Variants in NISCH observed in about 807,000 individuals in gnomAD.
The protein encoded by NISCH is I-1 receptor candidate protein.
A neutral mutation model predicts 138.4 loss-of-function variants in NISCH; 55 were observed. The ratio of observed to expected loss-of-function variants is 0.40; its 90% confidence interval spans 0.32 to 0.50. The LOEUF (loss-of-function observed/expected upper bound fraction) is 0.50. Among genes scored for constraint, NISCH ranks in the 20% least tolerant of loss-of-function variants. NISCH has a pLI of 0.71. For missense variants in NISCH, 1,643 were observed against 2,005.5 expected, an observed-to-expected ratio of 0.82 and a Z score of 3.45; for synonymous variants, 860 against 861.5, an observed-to-expected ratio of 1.00 and a Z score of 0.03.
chr3:52,482,364 G>A (rs969404142), intron 13 of NISCH, among the ~76,000 whole-genome samples: 1 of 152,178 alleles, frequency 6.6e-6, no homozygotes, highest in African/African-American at 2.4e-5. Flanking sequence ...AGGCGCTGTC[G>A]GAGCCATGGA....
Position 52,464,517 on chromosome 3 carries a change from C to CTTTTTT in NISCH, c.360+5693_360+5698dup, listed in dbSNP as rs71084185. Among the ~76,000 whole-genome samples, 146 of 75,820 alleles carry CTTTTTT rather than the reference C, an allele frequency of 1.9e-3. 13 individuals are homozygous for CTTTTTT. The highest frequency in any genetic ancestry group is 0.023 in the Middle Eastern group (1 of 44). The allele number at this position is 75,820 out of a possible 152,430, so 49.7% of individuals were successfully genotyped here. ...TACTTTTTCACATTCTGTGAGTTGT[C>CTTTTTT]TTTTTTTTTTTTTTTTTTTTTTTTT... On this transcript the variant is annotated intron_variant, in intron 3 of 20. Transcript: ENST00000345716.
In NISCH at chr3:52,481,957, GA is replaced by G. The variant is rs528954104; in HGVS notation, c.1528+1663del. 31 of 976,152 alleles carry G rather than the reference GA, an allele frequency of 3.2e-5. No individual in the cohort carries two copies. The South Asian group carries it at 1.4e-3, about 43-fold the overall frequency. 60.5% of individuals were successfully genotyped at this position (976,152 alleles called of 1,614,324 possible). ...TTTTGGTGAGAAACAGCAAAGATCGGACCCCTAAGGACTCTCCTGATGTCTC... is the reference window on the plus strand; with the variant it reads ...TTTTGGTGAGAAACAGCAAAGATCGGCCCCTAAGGACTCTCCTGATGTCTC... On this transcript the variant is annotated intron_variant, in intron 13 of 20. Coordinates refer to ENST00000345716, the MANE Select transcript of NISCH (RefSeq NM_007184.4).
intron 6 of NISCH, among the ~76,000 whole-genome samples, chr3:52,473,044 G>A (rs1228743046): frequency 6.6e-6 from 1 of 152,228 alleles, no homozygotes; most frequent in Non-Finnish European, 1.5e-5. Context: ...GGAAACTGAG[G>A]CTTGGGCAGA....
In NISCH at chr3:52,480,311, T is replaced by C. The variant is rs1707233578; in HGVS notation, c.1528+16T>C. The stretch of plus-strand genomic sequence containing the variant: ...TCTAACCAAGGTAATCGTGTATGTA[T>C]CTTGCTTCTAGTGGAGCCACACAGC... On this transcript the variant is annotated intron_variant, in intron 13 of 20. Coordinates refer to ENST00000345716, the MANE Select transcript of NISCH (RefSeq NM_007184.4). 6 of 1,613,484 alleles carry C rather than the reference T, an allele frequency of 3.7e-6. No homozygotes were observed. Among genetic ancestry groups the C allele is most frequent in the Non-Finnish European group, 5.1e-6 (6 of 1,179,992 alleles).
Position 52,490,185 on chromosome 3 carries a change from T to C in NISCH, c.3567T>C (p.Phe1189=), listed in dbSNP as rs756771815. The change falls in exon 18 of 21, where the codon TTT becomes TTC. Residue 1189 remains phenylalanine, a synonymous_variant. Transcript: ENST00000345716. Reference sequence around the variant, plus strand: ...TGCTCTCCACCAAGGCTGTGTACTTTGTGCTCCACGACGGCCTCCGCCGCT... The same window carrying C: ...TGCTCTCCACCAAGGCTGTGTACTTCGTGCTCCACGACGGCCTCCGCCGCT... ...CVLLSTKAVY[F]VLHDGLRRYF... 1.9e-6 allele frequency: 3 copies of C among 1,613,414 alleles called. No individual in the cohort carries two copies. The highest frequency in any genetic ancestry group is 1.7e-5 in the Admixed American group (1 of 60,024).
intron 3 of NISCH, among the ~76,000 whole-genome samples, chr3:52,467,552 TC>T (rs1245206286): frequency 4.6e-5 from 7 of 152,196 alleles, no homozygotes; most frequent in African/African-American, 7.2e-5. Context: ...CTTCTCTGGT[TC>T]AGTCTCCCTC....
chr3:52,492,957 A>T lies in NISCH; in HGVS notation c.*475A>T, dbSNP rs529889381. On this transcript the variant is annotated 3_prime_UTR_variant, in exon 21 of 21. Coordinates refer to ENST00000345716, the MANE Select transcript of NISCH (RefSeq NM_007184.4). ...TTCTTCAAAGTGGAGGTCTCCCCTG[A>T]TCCAGACAAGTGGGAGAGCCCGTGG... The T allele has an allele frequency of 1.2e-5, 2 of 170,756 alleles. No homozygotes were observed. Among genetic ancestry groups the T allele is most frequent in the East Asian group, 1.7e-4 (1 of 5,878 alleles). 10.6% of individuals were successfully genotyped at this position (170,756 alleles called of 1,614,324 possible).
intron 20 of NISCH, 72 bp from the exon 21 acceptor site, chr3:52,491,800 T>C (rs1022276483): frequency 3.3e-6 from 5 of 1,509,254 alleles, no homozygotes; most frequent in Non-Finnish European, 4.4e-6. Flanking sequence ...TCGGTTGGCT[T>C]GGGGCCCTTG....
intron 7 of NISCH, 99 bp downstream of exon 7, chr3:52,473,928 T>G: frequency 2.8e-6 from 2 of 712,674 alleles, no homozygotes; most frequent in African/African-American, 1.7e-5. Flanking sequence ...CTGCTATGTC[T>G]ATCAGTATTC....
chr3:52,477,476 C>A, intron 8 of NISCH, 98 bp from the exon 9 acceptor site: 3 of 973,432 alleles, frequency 3.1e-6, no homozygotes, highest in Non-Finnish European at 4.9e-6. Flanking sequence ...AGTCCATGGT[C>A]GGGAGGAAGC....
At chr3:52,466,237 C>T (rs1706776149) in intron 3 of NISCH, among the ~76,000 whole-genome samples, 1 of 152,240 alleles carries the variant, frequency 6.6e-6, no homozygotes, top group Non-Finnish European at 1.5e-5. Flanking sequence ...ATGCCTGACT[C>T]CTGCTAGAAT....
intron 4 of NISCH, chr3:52,471,155 C>G (rs1706935211): frequency 1.8e-6 from 1 of 552,246 alleles, no homozygotes; most frequent in South Asian, 2.4e-5. Flanking sequence ...TCCCTCGCAC[C>G]TGGTTTGTGC....
At position 52,473,757 on chromosome 3, in the gene NISCH, C is replaced by T. The variant is rs1194347550; in HGVS notation, c.693C>T (p.His231=). 5 of 1,606,678 alleles carry T rather than the reference C, an allele frequency of 3.1e-6. No homozygotes were observed. The highest frequency in any genetic ancestry group is 3.4e-6 in the Non-Finnish European group (4 of 1,173,958). ...QVEISHCDAK[H]IRGLVASKPT... Reference sequence around the variant, plus strand: ...AGATAAGTCACTGTGATGCTAAGCACATCAGAGGGCTGGTCGCATCGAAGC... The same window carrying T: ...AGATAAGTCACTGTGATGCTAAGCATATCAGAGGGCTGGTCGCATCGAAGC... Residue 231 remains histidine (H), a synonymous_variant, in exon 7 of 21, where the codon CAC becomes CAT. Coordinates refer to ENST00000345716, the MANE Select transcript of NISCH (RefSeq NM_007184.4).
At chr3:52,491,018 C>T (rs960737795) in intron 19 of NISCH, among the ~76,000 whole-genome samples, 185 bp downstream of exon 19, 4 of 152,238 alleles carry the variant, frequency 2.6e-5, no homozygotes, top group Admixed American at 6.5e-5. Flanking sequence ...CGCTCCAGGG[C>T]TCAGAGCAGG....
intron 13 of NISCH, chr3:52,481,510 C>G: frequency 1.0e-6 from 1 of 985,444 alleles, no homozygotes; most frequent in Non-Finnish European, 1.2e-6. Flanking sequence ...GAAAGCTTCC[C>G]TGACGCTGCC....
chr3:52,490,937 G>C, intron 19 of NISCH, 104 bp downstream of exon 19: 3 of 1,480,696 alleles, frequency 2.0e-6, no homozygotes, highest in Non-Finnish European at 2.8e-6. Context: ...AGTTATCTCT[G>C]TGCTCAAGAG....
At position 52,487,077 on chromosome 3, in the gene NISCH, G is replaced by A. The variant is rs1398245984; in HGVS notation, c.1704-119G>A. 1 of 1,162,152 alleles carries A rather than the reference G, an allele frequency of 8.6e-7. No homozygotes were observed. Among genetic ancestry groups the A allele is most frequent in the Non-Finnish European group, 1.2e-6 (1 of 829,692 alleles). The allele number at this position is 1,162,152 out of a possible 1,614,324, so 72.0% of individuals were successfully genotyped here. A position where few individuals can be genotyped will look rare whatever the true frequency, so the allele number is the denominator to read the frequency against. ...ACTGACTTGGCCATGTGGGAGGCTT[G>A]GGAGACCCATGGGTTGGTTTCTCAG... On this transcript the variant is annotated intron_variant, in intron 15 of 20. Transcript: ENST00000345716. This position sits in a 1 kb window ranked among gnomAD's most constrained non-coding sequence, Gnocchi z 9.1.
chr3:52,485,346 AG>A (rs1047585814), intron 14 of NISCH, among the ~76,000 whole-genome samples: 7 of 152,226 alleles, frequency 4.6e-5, no homozygotes, highest in African/African-American at 1.7e-4. Flanking sequence ...AGGGTCACAC[AG>A]CAAGAGATTC....
At chr3:52,472,502 G>C in intron 6 of NISCH, 104 bp downstream of exon 6, 1 of 1,027,436 alleles carries the variant, frequency 9.7e-7, no homozygotes, top group South Asian at 1.4e-5. Flanking sequence ...CTGTGCTTTC[G>C]TGTTTGGCAG....
Sources: allele counts gnomAD v4.1 joint callset (sites outside exome capture counted in the v4.1 genomes callset), GRCh38; gene constraint gnomAD v4.1.1; non-coding constraint Gnocchi (gnomAD v3.1); transcripts MANE v1.5; gene names NCBI Gene and HGNC (gene_info 2026-07-23, HGNC 2026-07-21).